Variants in NAV3 observed in about 807,000 individuals in gnomAD.
The protein encoded by NAV3 is neuron navigator 3, also known as pore membrane and/or filament interacting like protein 1.
In NAV3, 87 loss-of-function variants were observed where a neutral mutation model predicts 244.7. The ratio of observed to expected loss-of-function variants is 0.36; its 90% CI spans 0.30 to 0.42. The LOEUF (loss-of-function observed/expected upper bound fraction) is 0.42. Ranked by LOEUF, NAV3 falls within the 20% of genes least tolerant of loss-of-function variation. NAV3 has a pLI of 1.00. For synonymous variants in NAV3, 1,126 were observed against 1,042.2 expected (o/e 1.08, Z -1.55); for missense variants, 2,663 against 2,893.3 (o/e 0.92, Z 1.83).
chr12:77,709,037 G>A (rs375740837), intron 2 of NAV3, among the ~76,000 whole-genome samples: 5 of 152,052 alleles, frequency 3.3e-5, no homozygotes, highest in African/African-American at 1.2e-4. Flanking sequence ...CTTTTCCTAA[G>A]TGAATACCCT....
chr12:77,722,652 T>C (rs1363464986), intron 2 of NAV3, among the ~76,000 whole-genome samples: 1 of 152,112 alleles, frequency 6.6e-6, no homozygotes, highest in African/African-American at 2.4e-5. Context: ...GTTGTTAAGT[T>C]CTTTGGAGTC....
At chr12:77,873,742 G>GTATATATA (rs1294527901) in intron 1 of NAV3, among the ~76,000 whole-genome samples, 8 of 57,974 alleles carry the variant, frequency 1.4e-4, no homozygotes, top group Non-Finnish European at 1.8e-4. Context: ...ATATGTGTGT[G>GTATATATA]TGTATATATA....
At chr12:77,917,617 C>T (rs775104710) in intron 1 of NAV3, among the ~76,000 whole-genome samples, 3 of 151,884 alleles carry the variant, frequency 2.0e-5, no homozygotes, top group Non-Finnish European at 4.4e-5. Flanking sequence ...TTGCATTCAC[C>T]GACCTTCTCT....
chr12:78,128,518 T>C (rs1327168568), intron 17 of NAV3, among the ~76,000 whole-genome samples, 188 bp from the exon 18 acceptor site: 1 of 151,998 alleles, frequency 6.6e-6, no homozygotes, highest in Non-Finnish European at 1.5e-5. Flanking sequence ...CTTTATCTTA[T>C]TTTTTTTCCC....
chr12:77,791,283 G>A (rs1442353030), intron 2 of NAV3, among the ~76,000 whole-genome samples: 1 of 150,606 alleles, frequency 6.6e-6, no homozygotes, highest in African/African-American at 2.4e-5. Flanking sequence ...GAACCCGGGA[G>A]GTGGAGGTTG....
Position 77,825,226 on chromosome 12 carries a change from TG to T in NAV3, c.73-115092del, listed in dbSNP as rs534162304. On this transcript the variant is annotated intron_variant, in intron 2 of 8. Coordinates refer to the NAV3 transcript ENST00000550042. ...CAATTTGAAAAATGTTATAAAAGGT[TG>T]TTTATAAAAGGAAAATGATACCAGA... 2.0e-5 allele frequency among the ~76,000 whole-genome samples: 3 copies of T among 152,248 alleles called. No homozygotes were observed. In the South Asian group the frequency reaches 6.2e-4, roughly 32 times the overall value.
intron 5 of NAV3, among the ~76,000 whole-genome samples, chr12:77,990,301 G>C (rs941785762): frequency 6.6e-6 from 1 of 152,142 alleles, no homozygotes; most frequent in African/African-American, 2.4e-5. Flanking sequence ...CAGAAAAGCA[G>C]GAATTAGGGA....
chr12:77,958,143 T>C (rs920995835), intron 3 of NAV3, among the ~76,000 whole-genome samples: 37 of 152,204 alleles, frequency 2.4e-4, no homozygotes, highest in African/African-American at 8.4e-4. Flanking sequence ...AATTTAGCAA[T>C]CAGACATGTT....
At chr12:77,577,924 G>A (rs1869168465) in intron 2 of NAV3, among the ~76,000 whole-genome samples, 1 of 152,038 alleles carries the variant, frequency 6.6e-6, no homozygotes, top group African/African-American at 2.4e-5. Context: ...AGTGAGCTGG[G>A]CCATCTGATT....
chr12:77,622,867 A>G (rs955792406), intron 2 of NAV3, among the ~76,000 whole-genome samples: 21 of 152,194 alleles, frequency 1.4e-4, no homozygotes, highest in Admixed American at 6.5e-5. Flanking sequence ...TGTCTAAAAC[A>G]CTATTGAGAC....
At chr12:78,100,513 C>T (rs1399248461) in intron 12 of NAV3, among the ~76,000 whole-genome samples, 1 of 151,652 alleles carries the variant, frequency 6.6e-6, no homozygotes, top group Non-Finnish European at 1.5e-5. Context: ...TTTTGATTTA[C>T]TTGTAACTCC....
chr12:78,093,447 C>T (rs921431896), intron 12 of NAV3, among the ~76,000 whole-genome samples: 1 of 152,180 alleles, frequency 6.6e-6, no homozygotes, highest in Non-Finnish European at 1.5e-5. Context: ...ACATTTTGAT[C>T]TCTGGTTAGG....
intron 20 of NAV3, among the ~76,000 whole-genome samples, chr12:78,143,609 A>G (rs1956724872): frequency 7.1e-6 from 1 of 140,396 alleles, no homozygotes. Context: ...TGGGCGACAA[A>G]GCCAAACACT....
chr12:77,703,524 A>T (rs1188416567), intron 2 of NAV3, among the ~76,000 whole-genome samples: 1 of 152,128 alleles, frequency 6.6e-6, no homozygotes, highest in African/African-American at 2.4e-5. Flanking sequence ...TGTTTACATT[A>T]TCATGATAAA....
intron 2 of NAV3, among the ~76,000 whole-genome samples, chr12:77,801,191 G>C (rs1173430791): frequency 1.3e-5 from 2 of 152,030 alleles, no homozygotes; most frequent in Non-Finnish European, 2.9e-5. Flanking sequence ...ATAAATATAG[G>C]ACAGCAACCT....
chr12:77,910,295 AG>A (rs895102132), intron 1 of NAV3, among the ~76,000 whole-genome samples: 1 of 151,980 alleles, frequency 6.6e-6, no homozygotes, highest in Non-Finnish European at 1.5e-5. Flanking sequence ...AGGTCACATG[AG>A]GAAAGAGGGA....
chr12:78,186,241 A>G (rs1958714395), intron 31 of NAV3, among the ~76,000 whole-genome samples: 1 of 151,926 alleles, frequency 6.6e-6, no homozygotes, highest in Non-Finnish European at 1.5e-5. Context: ...CAAATTGGCA[A>G]TGCCATTCTG....
At chr12:77,691,819 T>A (rs1875047067) in intron 2 of NAV3, among the ~76,000 whole-genome samples, 1 of 151,886 alleles carries the variant, frequency 6.6e-6, no homozygotes, top group Non-Finnish European at 1.5e-5. Flanking sequence ...TTGTCCAACG[T>A]TACACAGCTA....
chr12:77,869,968 A>C (rs951542483), intron 1 of NAV3, among the ~76,000 whole-genome samples: 9 of 152,214 alleles, frequency 5.9e-5, no homozygotes, highest in Admixed American at 1.3e-4. Context: ...TGAGATAAAC[A>C]CATGCTCTTT....
Sources: gnomAD v4.1 joint callset for allele counts (sites outside exome capture counted in the v4.1 genomes callset) on GRCh38, gnomAD v4.1.1 for gene constraint, MANE v1.5 for transcripts, NCBI Gene and HGNC (gene_info 2026-07-23, HGNC 2026-07-21) for gene names.